The following RAF1 variants were observed in gnomAD, a reference collection of about 807,000 sequenced individuals.
RAF1 encodes RAF proto-oncogene serine/threonine-protein kinase.
RAF1 carries 27 observed loss-of-function variants against 81.1 expected under a neutral mutation model. The ratio of observed to expected loss-of-function variants is 0.33; its 90% CI spans 0.25 to 0.46. The LOEUF is 0.46. Among genes scored for constraint, RAF1 ranks in the 20% least tolerant of loss-of-function variants. The pLI, the probability that RAF1 is intolerant of heterozygous loss-of-function variation, is 1.00. For missense variants in RAF1, 598 were observed against 826.0 expected (o/e 0.72, Z 3.38); for synonymous variants, 298 against 294.0 (o/e 1.01, Z -0.14).
intron 1 of RAF1, among the ~76,000 whole-genome samples, chr3:12,644,751 G>T (rs2060293230): frequency 2.0e-5 from 3 of 152,012 alleles, no homozygotes; most frequent in Admixed American, 2.0e-4. Context: ...TTATAATCAG[G>T]CACTTTGAAA....
At chr3:12,590,642 A>G in intron 13 of RAF1, 156 bp downstream of exon 12, 1 of 855,286 alleles carries the variant, frequency 1.2e-6, no homozygotes, top group Non-Finnish European at 1.9e-6. Context: ...TGAACAACTC[A>G]TTCCTGATAA....
chr3:12,599,724 A>G lies in RAF1; in HGVS notation c.1135T>C (p.Ser379Pro), dbSNP rs765433002. Residue 379 changes from serine (S) to proline (P), a missense_variant, in exon 11 of 18, where the codon TCT becomes CCT. Coordinates refer to ENST00000442415, the MANE Select transcript of RAF1 (RefSeq NM_001354689.3). ...TTACCCTTATAAACAGTTCCAAAAG[A>G]GCCTGACCCAATCCGAGTGGACAGC... 5.6e-6 allele frequency: 9 copies of G among 1,614,146 alleles called. No individual in the cohort carries two copies. The highest frequency in any genetic ancestry group is 7.6e-6 in the Non-Finnish European group (9 of 1,180,016).
chr3:12,647,893 G>C (rs2060404447), intron 1 of RAF1, among the ~76,000 whole-genome samples: 1 of 152,152 alleles, frequency 6.6e-6, no homozygotes, highest in South Asian at 2.1e-4. Context: ...AAAGTTAGCA[G>C]GGGCTGTACA....
chr3:12,609,485 T>C (rs2059144789), intron 3 of RAF1, 150 bp from the exon 4 acceptor site: 2 of 643,892 alleles, frequency 3.1e-6, no homozygotes, highest in South Asian at 3.6e-5. Context: ...AACAAACCTA[T>C]GAAGTAGGTA....
At chr3:12,608,195 T>C (rs755634166) in intron 5 of RAF1, among the ~76,000 whole-genome samples, 11 of 152,176 alleles carry the variant, frequency 7.2e-5, no homozygotes, top group Non-Finnish European at 1.5e-4. Flanking sequence ...GTTTGGACCA[T>C]GTACTTTTAA....
chr3:12,618,859 T>TC, intron 1 of RAF1, 112 bp from the exon 2 acceptor site: 1 of 808,900 alleles, frequency 1.2e-6, no homozygotes, highest in Non-Finnish European at 2.0e-6. Flanking sequence ...TAATGATACC[T>TC]CCTGCATTCA....
At chr3:12,621,259 G>GCTGCA (rs1328525739) in intron 1 of RAF1, among the ~76,000 whole-genome samples, 1 of 152,098 alleles carries the variant, frequency 6.6e-6, no homozygotes, top group Non-Finnish European at 1.5e-5. Context: ...TCTGAACTGG[G>GCTGCA]CTGCACTGAC....
chr3:12,599,572 G>C (rs2058791863), intron 11 of RAF1, 119 bp downstream of exon 10: 1 of 758,476 alleles, frequency 1.3e-6, no homozygotes, highest in South Asian at 1.4e-5. Flanking sequence ...AAGTATGTAA[G>C]GGAGAGTACT....
intron 11 of RAF1, among the ~76,000 whole-genome samples, chr3:12,592,882 C>A (rs564077343): frequency 6.8e-6 from 1 of 147,004 alleles, no homozygotes; most frequent in East Asian, 2.1e-4. Flanking sequence ...ACTACAGGCA[C>A]CCGCCACCAC....
At chr3:12,640,455 T>C (rs889659687) in intron 1 of RAF1, among the ~76,000 whole-genome samples, 1 of 152,102 alleles carries the variant, frequency 6.6e-6, no homozygotes, top group African/African-American at 2.4e-5. Context: ...GAGAAAATTT[T>C]TGCAATCTAC....
intron 1 of RAF1, among the ~76,000 whole-genome samples, chr3:12,635,845 C>T (rs1257198598): frequency 1.3e-5 from 2 of 151,108 alleles, no homozygotes; most frequent in Non-Finnish European, 2.9e-5. Flanking sequence ...TGGTGGCAGG[C>T]ACCTGTAGTC....
In RAF1 at chr3:12,584,963, G is replaced by A. The variant is rs532786413; in HGVS notation, c.1747C>T (p.Arg583Ter). Residue 583 changes from arginine to a stop codon, truncating the protein, a stop_gained, in exon 17 of 18, where the codon CGA becomes TGA. Coordinates refer to ENST00000442415, the MANE Select transcript of RAF1 (RefSeq NM_001354689.3). LOFTEE classifies it high-confidence loss of function. ...CTAAGATCTGGGGAGGCATATCCTCGGCCCACCATGAAGATGATCTAAGGG... is the reference window on the plus strand; with the variant it reads ...CTAAGATCTGGGGAGGCATATCCTCAGCCCACCATGAAGATGATCTAAGGG... The A allele has an allele frequency of 2.5e-6, 4 of 1,613,918 alleles. No homozygotes were observed. The highest frequency in any genetic ancestry group is 1.3e-5 in the African/African-American group (1 of 74,876).
At chr3:12,641,495 T>TTG (rs1559476601) in intron 1 of RAF1, among the ~76,000 whole-genome samples, 1 of 149,706 alleles carries the variant, frequency 6.7e-6, no homozygotes, top group African/African-American at 2.5e-5. Context: ...TTTTGGTTTT[T>TTG]TTTTTTTTTT....
At chr3:12,659,426 T>TAAAAAAAAAAAA (rs1311397342) in intron 1 of RAF1, among the ~76,000 whole-genome samples, 2 of 5,374 alleles carry the variant, frequency 3.7e-4, no homozygotes, top group Non-Finnish European at 5.5e-4. Flanking sequence ...AGATTTCATC[T>TAAAAAAAAAAAA]CAAAAAAAAA....
chr3:12,593,486 A>G (rs2058586760), intron 11 of RAF1, among the ~76,000 whole-genome samples: 1 of 151,952 alleles, frequency 6.6e-6, no homozygotes, highest in Non-Finnish European at 1.5e-5. Flanking sequence ...AGTTTCAACG[A>G]GTCCCCATGT....
intron 11 of RAF1, among the ~76,000 whole-genome samples, chr3:12,593,949 T>A (rs981179408): frequency 6.6e-6 from 1 of 152,106 alleles, no homozygotes; most frequent in African/African-American, 2.4e-5. Context: ...ACAGAAAGGT[T>A]TTCTGAAGGA....
intron 1 of RAF1, among the ~76,000 whole-genome samples, chr3:12,654,031 G>A (rs796663917): frequency 7.3e-6 from 1 of 136,854 alleles, no homozygotes; most frequent in African/African-American, 2.7e-5. Flanking sequence ...TTGTTCTGTT[G>A]CCCAGGCTAG....
chr3:12,629,630 C>T (rs906507583), intron 1 of RAF1, among the ~76,000 whole-genome samples: 6 of 152,192 alleles, frequency 3.9e-5, no homozygotes, highest in African/African-American at 1.4e-4. Context: ...ACCAGGGTTT[C>T]ATCACACCAT....
chr3:12,609,705 C>T (rs1476227353), intron 3 of RAF1, among the ~76,000 whole-genome samples: 2 of 152,072 alleles, frequency 1.3e-5, no homozygotes, highest in Admixed American at 1.3e-4. Flanking sequence ...GGTCTTGAAT[C>T]CCTGGCCTCA....
Sources: gnomAD v4.1 joint callset for allele counts (sites outside exome capture counted in the v4.1 genomes callset) on GRCh38, gnomAD v4.1.1 for gene constraint, MANE v1.5 for transcripts, NCBI Gene and HGNC (gene_info 2026-07-23, HGNC 2026-07-21) for gene names.